Variants in MYSM1 observed in about 807,000 individuals in gnomAD.
The protein encoded by MYSM1 is Myb like, SWIRM and MPN domains 1, also known as deubiquitinase MYSM1.
In MYSM1, 51 loss-of-function variants were observed where a neutral mutation model predicts 116.0. The ratio of observed to expected loss-of-function variants is 0.44; its 90% CI spans 0.35 to 0.56. MYSM1 has a LOEUF of 0.56. Ranked by LOEUF, MYSM1 falls within the 20% of genes least tolerant of loss-of-function variation. The probability of loss-of-function intolerance (pLI) is 0.00; values close to 1 mark genes in which losing one functional copy is unlikely to be tolerated. For synonymous variants in MYSM1, 313 were observed against 315.2 expected (o/e 0.99, Z 0.07); for missense variants, 900 against 974.9 (o/e 0.92, Z 1.02).
At chr1:58,673,735 A>G (rs1446955451) in intron 10 of MYSM1, 85 bp from the exon 11 acceptor site, 5 of 1,126,642 alleles carry the variant, frequency 4.4e-6, no homozygotes, top group Non-Finnish European at 5.2e-6. Flanking sequence ...TGAAAACAAT[A>G]ATTATCTAAA....
chr1:58,666,260 A>G (rs570608560), intron 16 of MYSM1, among the ~76,000 whole-genome samples: 5 of 152,200 alleles, frequency 3.3e-5, no homozygotes, highest in Non-Finnish European at 7.3e-5. Flanking sequence ...AATTCTTATC[A>G]ATACAGTAAT....
At chr1:58,681,724 A>C in intron 8 of MYSM1, 61 bp downstream of exon 8, 1 of 1,450,878 alleles carries the variant, frequency 6.9e-7, no homozygotes, top group Non-Finnish European at 9.2e-7. Context: ...GTATAGGCCT[A>C]ATTAAAATAC....
At chr1:58,697,969 C>T (rs926198772) in intron 1 of MYSM1, among the ~76,000 whole-genome samples, 4 of 150,256 alleles carry the variant, frequency 2.7e-5, no homozygotes, top group Admixed American at 1.3e-4. Context: ...TAAATTAATT[C>T]TCAACGGTTT....
intron 8 of MYSM1, among the ~76,000 whole-genome samples, chr1:58,678,511 C>T (rs896649971): frequency 6.6e-6 from 1 of 152,068 alleles, no homozygotes; most frequent in Non-Finnish European, 1.5e-5. Context: ...TCTTTTCCCC[C>T]TAACAAATAA....
intron 14 of MYSM1, chr1:58,668,420 A>G (rs1346880334): frequency 3.8e-6 from 5 of 1,311,384 alleles, no homozygotes; most frequent in Admixed American, 4.0e-5. Context: ...AACAGTCTGC[A>G]AAAACTCACA....
In MYSM1 at chr1:58,656,308, T is replaced by G. The variant is rs1486683457; in HGVS notation, c.*3689A>C. ...TTAAATAGCTTCATGGAAACATGCA[T>G]GGTCTGTCCATCTCTATTTTACAGG... On this transcript the variant is annotated 3_prime_UTR_variant, in exon 20 of 20. Transcript: ENST00000472487. The G allele has an allele frequency of 6.6e-6, 1 of 152,228 alleles. No homozygotes were observed. Among genetic ancestry groups the G allele is most frequent in the African/African-American group, 2.4e-5 (1 of 41,464 alleles). 9.4% of individuals were successfully genotyped at this position (152,228 alleles called of 1,614,324 possible). A position where few individuals can be genotyped will look rare whatever the true frequency, so the allele number is the denominator to read the frequency against.
At chr1:58,664,502 T>C (rs972979224) in intron 17 of MYSM1, among the ~76,000 whole-genome samples, 1 of 152,202 alleles carries the variant, frequency 6.6e-6, no homozygotes, top group African/African-American at 2.4e-5. Flanking sequence ...ATAGATAAAT[T>C]GCATTAAAAG....
chr1:58,661,594 C>T (rs1207213420), intron 17 of MYSM1, 83 bp from the exon 18 acceptor site: 46 of 773,556 alleles, frequency 5.9e-5, no homozygotes, highest in Non-Finnish European at 8.3e-5. Context: ...AAATTCCCTT[C>T]GGTGTTTTTA....
In MYSM1 at chr1:58,667,179, A is replaced by G; in HGVS notation, c.1890T>C (p.Cys630=). The G allele has an allele frequency of 6.2e-7, 1 of 1,612,252 alleles. No individual in the cohort carries two copies. The highest frequency in any genetic ancestry group is 1.1e-5 in the South Asian group (1 of 90,782). The change falls in exon 16 of 20, where the codon TGT becomes TGC. Residue 630 remains cysteine (C), a synonymous_variant. Transcript: ENST00000472487. ...GTGTTTGTGATACAGGATCCATCTC[A>G]CACTGTAGTCCTGTACTCAGACTGT... The part of the protein sequence containing the change: ...PCNSLSTGLQ[C]EMDPVSQTQA...
intron 7 of MYSM1, among the ~76,000 whole-genome samples, chr1:58,683,106 T>C (rs1644773482): frequency 6.6e-6 from 1 of 152,218 alleles, no homozygotes; most frequent in African/African-American, 2.4e-5. Context: ...TCTATAAATA[T>C]ATAACTAATT....
In MYSM1 at chr1:58,655,855, A is replaced by G. The variant is rs1644313031; in HGVS notation, c.*4142T>C. 6.6e-6 allele frequency: 1 copy of G among 152,202 alleles called. No individual in the cohort carries two copies. The highest frequency in any genetic ancestry group is 6.5e-5 in the Admixed American group (1 of 15,268). 9.4% of individuals were successfully genotyped at this position (152,202 alleles called of 1,614,324 possible). The stretch of plus-strand genomic sequence containing the variant: ...GTGCTTTTCTTTGTGCTTGGATAAA[A>G]GAAGTTTTCCTAAATACCATATATT... On this transcript the variant is annotated 3_prime_UTR_variant, in exon 20 of 20. Coordinates refer to ENST00000472487, the MANE Select transcript of MYSM1 (RefSeq NM_001085487.3).
rs766220236 is a variant in MYSM1 at position 58,692,861 on chromosome 1, T to A, written c.218A>T (p.Glu73Val). 1 of 1,607,964 alleles carries A rather than the reference T, an allele frequency of 6.2e-7. No individual in the cohort carries two copies. The highest frequency in any genetic ancestry group is 8.5e-7 in the Non-Finnish European group (1 of 1,177,202). ...TTTCCTCATAATCATTAAAGGATACTCTTCTTCCAACAACATTTTCTCAAT... is the reference window on the plus strand; with the variant it reads ...TTTCCTCATAATCATTAAAGGATACACTTCTTCCAACAACATTTTCTCAAT... ...AVIEKMLLEE[E>V]YYLSKKSQPE... The change falls in exon 3 of 20, where the codon GAA (glutamate) becomes GTA (valine). Residue 73 changes from glutamate (E) to valine (V), a missense_variant and splice_region_variant. Glu to Val is a moderately radical substitution (Grantham distance 121). Around this residue, in one of 3 missense-constraint regions of MYSM1, gnomAD observed 622 missense variants for 623.7 expected, o/e 1.00. Transcript: ENST00000472487.
At chr1:58,695,737 A>C (rs1376833291) in intron 1 of MYSM1, among the ~76,000 whole-genome samples, 2 of 152,172 alleles carry the variant, frequency 1.3e-5, no homozygotes, top group Non-Finnish European at 2.9e-5. Context: ...GATAAGAAAA[A>C]TGTGGTTTTA....
At position 58,666,215 on chromosome 1, in the gene MYSM1, A is replaced by G. The variant is rs75779663; in HGVS notation, c.2032-584T>C. Among the ~76,000 whole-genome samples, 837 of 152,328 alleles carry G rather than the reference A, an allele frequency of 5.5e-3. 5 individuals carry two copies. Among genetic ancestry groups the G allele is most frequent in the African/African-American group, 0.019 (774 of 41,580 alleles). On this transcript the variant is annotated intron_variant, in intron 16 of 19. Transcript: ENST00000472487. The stretch of plus-strand genomic sequence containing the variant: ...TACACAATCTGTATTTGCCATGAAT[A>G]TATTTACTAATTGTATTCACCACCC...
chr1:58,667,787 ATATTTGGTATGG>A, intron 15 of MYSM1, 48 bp downstream of exon 15: 1 of 966,900 alleles, frequency 1.0e-6, no homozygotes, highest in Non-Finnish European at 1.7e-6. Context: ...TTCTATAAAA[ATATTTGGTATGG>A]TAGTAGGACT....
At chr1:58,681,253 A>C (rs1644738074) in intron 8 of MYSM1, among the ~76,000 whole-genome samples, 1 of 152,236 alleles carries the variant, frequency 6.6e-6, no homozygotes, top group African/African-American at 2.4e-5. Context: ...AATAAACGGT[A>C]CTGACAATCT....
intron 7 of MYSM1, 50 bp downstream of exon 7, chr1:58,685,103 T>C: frequency 2.1e-6 from 3 of 1,449,382 alleles, no homozygotes; most frequent in Non-Finnish European, 2.8e-6. Flanking sequence ...TTCTGCTTAG[T>C]TTTTTCTAAA....
rs116675366 is a variant in MYSM1 at position 58,682,127 on chromosome 1, T to G, written c.917A>C (p.Lys306Thr). The G allele has an allele frequency of 1.7e-3, 2,808 of 1,613,862 alleles. 38 individuals are homozygous for G. The African/African-American group carries it at 0.032, about 18-fold the overall frequency. Residue 306 changes from lysine to threonine, a missense_variant, in exon 8 of 20, where the codon AAA becomes ACA. This residue lies in a region of MYSM1 where 622 missense variants were observed against 623.7 expected (regional missense o/e 1.00). Coordinates refer to ENST00000472487, the MANE Select transcript of MYSM1 (RefSeq NM_001085487.3). Reference sequence around the variant, plus strand: ...CTGGTCATTTAATTCAATTGATTTTTTGTCACCATTGCTCTGTTTCTCAGT... The same window carrying G: ...CTGGTCATTTAATTCAATTGATTTTGTGTCACCATTGCTCTGTTTCTCAGT... ...LWTEKQSNGDKKSIELNDQKF... is the reference protein window; with the variant it reads ...LWTEKQSNGDTKSIELNDQKF...
At chr1:58,674,926 C>CAAAAAAAAAA (rs1223507192) in intron 10 of MYSM1, among the ~76,000 whole-genome samples, 1 of 58,126 alleles carries the variant, frequency 1.7e-5, no homozygotes, top group Non-Finnish European at 3.7e-5. Flanking sequence ...GACTCTGTCT[C>CAAAAAAAAAA]AAAAAAAAAA....
Sources: gnomAD v4.1 joint callset for allele counts (sites outside exome capture counted in the v4.1 genomes callset) on GRCh38, gnomAD v4.1.1 for gene constraint, gnomAD v4.1.1 regional missense constraint, MANE v1.5 for transcripts, NCBI Gene and HGNC (gene_info 2026-07-23, HGNC 2026-07-21) for gene names.